Variants in EAF2 observed in about 807,000 individuals in gnomAD.
EAF2 encodes the protein ELL-associated factor 2.
EAF2 carries 29 observed loss-of-function variants against 29.4 expected under a neutral mutation model. The ratio of observed to expected loss-of-function variants is 0.99; its 90% CI spans 0.73 to 1.35. EAF2 has a LOEUF of 1.35. EAF2 is among the 40% of genes most tolerant of loss of function. EAF2 has a pLI of 0.00. For missense variants in EAF2, 292 were observed against 312.0 expected (o/e 0.94, Z 0.48); for synonymous variants, 103 against 102.5 (o/e 1.00, Z -0.03).
At position 121,872,526 on chromosome 3, in the gene EAF2, CTTA is replaced by C. The variant is rs774656254; in HGVS notation, c.485-8_485-6del. The C allele has an allele frequency of 7.0e-6, 11 of 1,572,370 alleles. No individual in the cohort carries two copies. In the East Asian group the frequency reaches 2.3e-4, roughly 33 times the overall value. The stretch of plus-strand genomic sequence containing the variant: ...ATTTAACCTATCTATTCATTTCTGT[CTTA>C]TTTTCAGAACTGAAGGCAGAAGCTA... On this transcript the variant is annotated splice_region_variant and splice_polypyrimidine_tract_variant and intron_variant, in intron 4 of 5. Coordinates refer to ENST00000273668, the MANE Select transcript of EAF2 (RefSeq NM_018456.6).
intron 2 of EAF2, among the ~76,000 whole-genome samples, chr3:121,847,903 A>G (rs1398447267): frequency 1.3e-5 from 2 of 152,114 alleles, no homozygotes; most frequent in Non-Finnish European, 2.9e-5. Flanking sequence ...ATACTTAGTC[A>G]CTGGGATGGT....
chr3:121,874,394 A>G (rs929663434), intron 5 of EAF2, among the ~76,000 whole-genome samples: 1 of 151,842 alleles, frequency 6.6e-6, no homozygotes, highest in African/African-American at 2.4e-5. Flanking sequence ...TTGAATGGCC[A>G]AGAGAACATG....
chr3:121,853,445 G>A (rs1427455926), intron 2 of EAF2, among the ~76,000 whole-genome samples: 1 of 151,860 alleles, frequency 6.6e-6, no homozygotes, highest in Non-Finnish European at 1.5e-5. Flanking sequence ...TAGAGACAGG[G>A]TCTCACTGTG....
At chr3:121,871,169 TA>T (rs1486273026) in intron 4 of EAF2, among the ~76,000 whole-genome samples, 2 of 151,354 alleles carry the variant, frequency 1.3e-5, no homozygotes, top group Non-Finnish European at 3.0e-5. Flanking sequence ...GTGGTATATT[TA>T]TATAATATAA....
chr3:121,836,565 A>G, intron 1 of EAF2: 1 of 883,526 alleles, frequency 1.1e-6, no homozygotes, highest in Non-Finnish European at 1.4e-6. Context: ...GGTAGAATAA[A>G]TGGGTGAGAT....
chr3:121,841,857 T>G (rs1425166373), intron 1 of EAF2, among the ~76,000 whole-genome samples: 2 of 151,644 alleles, frequency 1.3e-5, no homozygotes, highest in African/African-American at 4.9e-5. Context: ...AATACAAAAA[T>G]TAGCCGGATA....
intron 4 of EAF2, among the ~76,000 whole-genome samples, chr3:121,865,820 G>A (rs988877037): frequency 6.6e-6 from 1 of 152,030 alleles, no homozygotes; most frequent in Non-Finnish European, 1.5e-5. Flanking sequence ...CTGGCCTGAG[G>A]TTCCCTTCCT....
chr3:121,869,015 A>T lies in EAF2; in HGVS notation c.485-3522A>T, dbSNP rs544854483. On this transcript the variant is annotated intron_variant, in intron 4 of 5. Coordinates refer to ENST00000273668, the MANE Select transcript of EAF2 (RefSeq NM_018456.6). ...ATTTATAGAGACTGAAGTCATGCAG[A>T]CTATGTATCTGACCATAATGGATTC... is the stretch of plus-strand genomic sequence containing the variant. Among the ~76,000 whole-genome samples, 6 of 152,368 alleles carry T rather than the reference A, an allele frequency of 3.9e-5. No homozygotes were observed. The East Asian group carries it at 1.2e-3, about 29-fold the overall frequency.
intron 1 of EAF2, 95 bp from the exon 2 acceptor site, chr3:121,844,358 T>C (rs1708484905): frequency 2.6e-6 from 2 of 771,050 alleles, no homozygotes; most frequent in Non-Finnish European, 4.3e-6. Flanking sequence ...TACAAAGCTC[T>C]TGAAAAATGA....
chr3:121,876,708 C>G, intron 5 of EAF2, among the ~76,000 whole-genome samples: 1 of 151,606 alleles, frequency 6.6e-6, no homozygotes, highest in East Asian at 1.9e-4. Flanking sequence ...GTTATGTATC[C>G]TAAAATGTTA....
chr3:121,866,327 G>T (rs1196703520), intron 4 of EAF2, among the ~76,000 whole-genome samples: 1 of 152,110 alleles, frequency 6.6e-6, no homozygotes, highest in African/African-American at 2.4e-5. Context: ...GCAAGAATAT[G>T]CATGCTAAAC....
intron 5 of EAF2, among the ~76,000 whole-genome samples, chr3:121,876,977 CA>C (rs1320232418): frequency 1.3e-5 from 2 of 151,316 alleles, no homozygotes; most frequent in African/African-American, 4.9e-5. Flanking sequence ...CTGATTATAA[CA>C]AATTGTCTAA....
intron 5 of EAF2, among the ~76,000 whole-genome samples, chr3:121,882,958 T>C (rs1709217002): frequency 6.6e-6 from 1 of 152,072 alleles, no homozygotes; most frequent in Non-Finnish European, 1.5e-5. Context: ...TCCTTTACTA[T>C]TTTGAAATGA....
At chr3:121,838,221 T>C (rs1304500361) in intron 1 of EAF2, among the ~76,000 whole-genome samples, 4 of 152,202 alleles carry the variant, frequency 2.6e-5, no homozygotes, top group Non-Finnish European at 5.9e-5. Context: ...AATTCCATTG[T>C]AAACCTGAAA....
intron 2 of EAF2, among the ~76,000 whole-genome samples, chr3:121,850,990 C>T (rs1179927068): frequency 1.3e-5 from 2 of 152,070 alleles, no homozygotes; most frequent in African/African-American, 2.4e-5. Context: ...CGTGAGCCAC[C>T]GTGCCCGGCC....
intron 4 of EAF2, among the ~76,000 whole-genome samples, chr3:121,871,062 A>G (rs904121055): frequency 6.6e-6 from 1 of 152,010 alleles, no homozygotes; most frequent in African/African-American, 2.4e-5. Context: ...ATAAGTTCAA[A>G]AAGACTTGTA....
intron 4 of EAF2, among the ~76,000 whole-genome samples, chr3:121,870,719 GACAA>G (rs766140990): frequency 5.0e-4 from 76 of 151,978 alleles, no homozygotes; most frequent in Non-Finnish European, 1.6e-4. Flanking sequence ...GTAAGAAAAA[GACAA>G]ACAAATATAA....
In EAF2 at chr3:121,840,515, A is replaced by AAAAC. The variant is rs1708397602; in HGVS notation, c.107-3935_107-3934insCAAA. On this transcript the variant is annotated intron_variant, in intron 1 of 5. Transcript: ENST00000273668. ...AAAAAAAAAAAAAAAAAAAGAAAAA[A>AAAAC]AAAAAACGGGCCGGGTGCGGTGGCT... Among the ~76,000 whole-genome samples, 166 of 97,924 alleles carry AAAAC rather than the reference A, an allele frequency of 1.7e-3. 2 individuals are homozygous for AAAAC. Among genetic ancestry groups the AAAAC allele is most frequent in the Non-Finnish European group, 2.5e-3 (125 of 49,124 alleles). 64.2% of individuals were successfully genotyped at this position (97,924 alleles called of 152,430 possible).
At chr3:121,840,291 G>A (rs1199311247) in intron 1 of EAF2, among the ~76,000 whole-genome samples, 1 of 149,868 alleles carries the variant, frequency 6.7e-6, no homozygotes, top group Admixed American at 6.7e-5. Flanking sequence ...AGGAGTTCCA[G>A]ACGAGCCTGA....
Sources: gnomAD v4.1 joint callset for allele counts (sites outside exome capture counted in the v4.1 genomes callset) on GRCh38, gnomAD v4.1.1 for gene constraint, MANE v1.5 for transcripts, NCBI Gene and HGNC (gene_info 2026-07-23, HGNC 2026-07-21) for gene names.